The following KSR2 variants were observed in gnomAD, a reference collection of about 807,000 sequenced individuals.
KSR2 encodes kinase suppressor of ras 2.
KSR2 carries 25 observed loss-of-function variants against 107.8 expected under a neutral mutation model. That is an observed-to-expected ratio of 0.23 (90% confidence interval 0.17 to 0.32). The LOEUF (loss-of-function observed/expected upper bound fraction) is 0.32, where lower values mean the gene tolerates loss of function less well. Among genes scored for constraint, KSR2 ranks in the 10% least tolerant of loss-of-function variants. The probability of loss-of-function intolerance (pLI) is 1.00; values close to 1 mark genes in which losing one functional copy is unlikely to be tolerated. For missense variants in KSR2, 887 were observed against 1,268.9 expected, an observed-to-expected ratio of 0.70 and a Z score of 4.57; for synonymous variants, 480 against 507.0, an observed-to-expected ratio of 0.95 and a Z score of 0.71.
chr12:117,744,381 T>C (rs1888327437), intron 4 of KSR2, among the ~76,000 whole-genome samples: 1 of 152,208 alleles, frequency 6.6e-6, no homozygotes, highest in Non-Finnish European at 1.5e-5. Context: ...CCATGTGTTC[T>C]GGGTACCAGG....
intron 3 of KSR2, among the ~76,000 whole-genome samples, chr12:117,771,695 T>C (rs1593220674): frequency 6.6e-6 from 1 of 152,264 alleles, no homozygotes; most frequent in Non-Finnish European, 1.5e-5. Flanking sequence ...ACTGTAATGT[T>C]ATCAACAAGT....
chr12:117,816,630 T>C (rs1416184714), intron 3 of KSR2, among the ~76,000 whole-genome samples: 2 of 152,096 alleles, frequency 1.3e-5, no homozygotes, highest in Non-Finnish European at 2.9e-5. Context: ...ACTAATTAAT[T>C]TCCACATCAC....
intron 3 of KSR2, among the ~76,000 whole-genome samples, chr12:117,791,829 T>A (rs1216814745): frequency 6.6e-6 from 1 of 152,172 alleles, no homozygotes. Flanking sequence ...GCAACCGATA[T>A]CAACATTTTA....
intron 1 of KSR2, among the ~76,000 whole-genome samples, chr12:117,931,017 C>T (rs1429968412): frequency 1.3e-5 from 2 of 152,108 alleles, no homozygotes; most frequent in South Asian, 2.1e-4. Context: ...GAAAGCAGCA[C>T]ATTTTGATCT....
intron 3 of KSR2, among the ~76,000 whole-genome samples, chr12:117,766,435 G>C (rs1889228742): frequency 6.6e-6 from 1 of 152,186 alleles, no homozygotes; most frequent in South Asian, 2.1e-4. Flanking sequence ...ATGGGTTTTT[G>C]AGGGGGTGAT....
Position 117,469,694 on chromosome 12 carries a change from C to A in KSR2, c.2814G>T (p.Leu938=), listed in dbSNP as rs530909402. The change falls in exon 19 of 20, where the codon CTG becomes CTT. Residue 938 remains leucine (L), a synonymous_variant. Transcript: ENST00000339824. ...LEKLPKRNRR[L]SHPGHFWKSA... is the part of the protein sequence containing the mutation. Reference sequence around the variant, plus strand: ...ACTTCCAGAAATGTCCAGGGTGAGACAGGCGACGGTTTCGCTTTGGCAGTT... The same window carrying A: ...ACTTCCAGAAATGTCCAGGGTGAGAAAGGCGACGGTTTCGCTTTGGCAGTT... The A allele has an allele frequency of 5.0e-6, 8 of 1,613,306 alleles. No homozygotes were observed. Among genetic ancestry groups the A allele is most frequent in the South Asian group, 4.4e-5 (4 of 90,780 alleles).
intron 5 of KSR2, among the ~76,000 whole-genome samples, chr12:117,655,130 T>C (rs7307182): frequency 0.1 from 15,730 of 152,250 alleles, 908 homozygotes; most frequent in African/African-American, 0.14. Flanking sequence ...GGCAGAGGTT[T>C]GTCCTCACTG....
chr12:117,689,464 G>A (rs1472844461), intron 4 of KSR2, among the ~76,000 whole-genome samples: 1 of 152,220 alleles, frequency 6.6e-6, no homozygotes, highest in African/African-American at 2.4e-5. Context: ...TGCAGGCCAT[G>A]CAGTCTCCAC....
intron 3 of KSR2, among the ~76,000 whole-genome samples, chr12:117,799,965 A>T (rs1890769551): frequency 6.6e-6 from 1 of 152,220 alleles, no homozygotes; most frequent in Admixed American, 6.5e-5. Flanking sequence ...GCCCTATGAA[A>T]CGAGGCTGGA....
intron 15 of KSR2, 76 bp downstream of exon 15, chr12:117,485,519 C>T (rs1210847015): frequency 1.8e-6 from 2 of 1,111,496 alleles, no homozygotes; most frequent in Non-Finnish European, 2.7e-6. Flanking sequence ...CTTAGGAGCC[C>T]TGGGGTAGGG....
intron 5 of KSR2, among the ~76,000 whole-genome samples, chr12:117,650,111 G>C (rs1883828573): frequency 1.3e-5 from 2 of 152,222 alleles, no homozygotes; most frequent in South Asian, 4.1e-4. Context: ...GTTGCCAAAA[G>C]AGTCAGTGGG....
chr12:117,718,523 T>A (rs960178578), intron 4 of KSR2, among the ~76,000 whole-genome samples: 1 of 152,178 alleles, frequency 6.6e-6, no homozygotes, highest in African/African-American at 2.4e-5. Flanking sequence ...TACCCTGAGG[T>A]CCTGGTCCTT....
At chr12:117,798,709 C>CA (rs749755380) in intron 3 of KSR2, among the ~76,000 whole-genome samples, 19,207 of 116,818 alleles carry the variant, frequency 0.16, 1,467 homozygotes, top group African/African-American at 0.22. Flanking sequence ...GCAAAAAGTC[C>CA]AAAAAAAAAA....
At chr12:117,701,656 T>C (rs1170564967) in intron 4 of KSR2, among the ~76,000 whole-genome samples, 2 of 152,156 alleles carry the variant, frequency 1.3e-5, no homozygotes, top group African/African-American at 2.4e-5. Flanking sequence ...AGCTGGGTCC[T>C]ACCTCCAATG....
At chr12:117,673,682 A>T (rs1296090030) in intron 4 of KSR2, among the ~76,000 whole-genome samples, 1 of 135,778 alleles carries the variant, frequency 7.4e-6, no homozygotes, top group Non-Finnish European at 1.7e-5. Context: ...AGGCATGGTC[A>T]GGGGGAAAAA....
At chr12:117,641,929 G>C (rs1883380562) in intron 5 of KSR2, among the ~76,000 whole-genome samples, 1 of 152,104 alleles carries the variant, frequency 6.6e-6, no homozygotes, top group African/African-American at 2.4e-5. Context: ...TCTCTCCCCT[G>C]CTTCATCCAC....
rs1166553416 is a variant in KSR2 at position 117,541,225 on chromosome 12, GC to G, written c.1519-1339del. On this transcript the variant is annotated intron_variant, in intron 9 of 19. Transcript: ENST00000339824. ...GGGAGGAACAGTAGCTGATGTGGAGGCATGGGAGGCAGGGAGGCAGGCAGGG... is the reference window on the plus strand; with the variant it reads ...GGGAGGAACAGTAGCTGATGTGGAGGATGGGAGGCAGGGAGGCAGGCAGGG... Among the ~76,000 whole-genome samples the G allele has an allele frequency of 8.2e-4, 120 of 146,652 alleles. 6 individuals are homozygous for G. In the South Asian group the frequency reaches 9.4e-3, roughly 11 times the overall value.
intron 5 of KSR2, among the ~76,000 whole-genome samples, chr12:117,637,695 T>TTG (rs1475066035): frequency 2.8e-5 from 4 of 142,838 alleles, no homozygotes; most frequent in African/African-American, 1.1e-4. Context: ...TTTTTTTTTT[T>TTG]TTTTGAGACA....
chr12:117,905,266 A>G (rs1894803844), intron 1 of KSR2, among the ~76,000 whole-genome samples: 1 of 152,188 alleles, frequency 6.6e-6, no homozygotes, highest in African/African-American at 2.4e-5. Context: ...AAATTTTAAA[A>G]AAACGTGTAT....
Sources: allele counts gnomAD v4.1 joint callset (sites outside exome capture counted in the v4.1 genomes callset), GRCh38; gene constraint gnomAD v4.1.1; transcripts MANE v1.5; gene names NCBI Gene and HGNC (gene_info 2026-07-23, HGNC 2026-07-21).